CAMK1D: variants seen among roughly 807,000 people sequenced by gnomAD.
CAMK1D encodes calcium/calmodulin dependent protein kinase ID.
A neutral mutation model predicts 47.7 loss-of-function variants in CAMK1D; 9 were observed. That is an observed-to-expected ratio of 0.19 (90% CI 0.11 to 0.33). CAMK1D has a LOEUF of 0.33. Ranked by LOEUF, CAMK1D falls within the 10% of genes least tolerant of loss-of-function variation. CAMK1D has a pLI of 1.00. For missense variants in CAMK1D, 291 were observed against 488.7 expected (o/e 0.60, Z 3.81); for synonymous variants, 184 against 184.9 (o/e 0.99, Z 0.04).
intron 3 of CAMK1D, among the ~76,000 whole-genome samples, chr10:12,721,391 G>T (rs976601497): frequency 2.6e-5 from 4 of 152,228 alleles, no homozygotes; most frequent in African/African-American, 9.6e-5. Flanking sequence ...CACAGGAAAT[G>T]TATCGGCGGG....
At chr10:12,570,680 C>CAAAAA (rs35160242) in intron 2 of CAMK1D, among the ~76,000 whole-genome samples, 1 of 84,572 alleles carries the variant, frequency 1.2e-5, no homozygotes, top group African/African-American at 4.0e-5. Flanking sequence ...AACTCCATCT[C>CAAAAA]AAAAAAAAAA....
At chr10:12,613,270 T>C (rs1361262283) in intron 2 of CAMK1D, among the ~76,000 whole-genome samples, 3 of 152,232 alleles carry the variant, frequency 2.0e-5, no homozygotes, top group Admixed American at 6.5e-5. Context: ...CTAAGCGTGA[T>C]AGATGGCTCC....
chr10:12,551,813 A>T (rs370452905), intron 1 of CAMK1D, among the ~76,000 whole-genome samples: 1 of 152,164 alleles, frequency 6.6e-6, no homozygotes, highest in African/African-American at 2.4e-5. Flanking sequence ...TCCCGGGTCC[A>T]TGGAAAAACT....
intron 3 of CAMK1D, among the ~76,000 whole-genome samples, chr10:12,702,126 C>G (rs973879433): frequency 1.3e-5 from 2 of 152,124 alleles, no homozygotes; most frequent in East Asian, 3.8e-4. Flanking sequence ...GCTGGGAACC[C>G]ACTTTCTAGA....
chr10:12,816,796 C>T (rs1257143953), intron 8 of CAMK1D, among the ~76,000 whole-genome samples: 6 of 145,904 alleles, frequency 4.1e-5, no homozygotes, highest in Non-Finnish European at 6.0e-5. Flanking sequence ...CGCTTGAACT[C>T]GGGAGGCGAA....
intron 1 of CAMK1D, among the ~76,000 whole-genome samples, chr10:12,386,089 A>G (rs1251161915): frequency 6.6e-6 from 1 of 152,184 alleles, no homozygotes. Flanking sequence ...TTGTATCTCA[A>G]TGAAGCTTTT....
chr10:12,555,892 C>G (rs1836745051), intron 2 of CAMK1D, among the ~76,000 whole-genome samples: 1 of 152,154 alleles, frequency 6.6e-6, no homozygotes, highest in Non-Finnish European at 1.5e-5. Flanking sequence ...GCTTTATAAA[C>G]CAGTCCTGTT....
At chr10:12,407,328 G>C (rs1043694763) in intron 1 of CAMK1D, among the ~76,000 whole-genome samples, 1 of 152,248 alleles carries the variant, frequency 6.6e-6, no homozygotes, top group African/African-American at 2.4e-5. Context: ...CCCACTGCCA[G>C]GGGAAGGGAA....
rs924118849 is a variant in CAMK1D at position 12,389,045 on chromosome 10, C to T, written c.92+39135C>T. 5.3e-5 allele frequency among the ~76,000 whole-genome samples: 8 copies of T among 152,280 alleles called. No homozygotes were observed. The East Asian group carries it at 1.3e-3, about 26-fold the overall frequency. On this transcript the variant is annotated intron_variant, in intron 1 of 10. Transcript: ENST00000619168. ...TACTCCATGGAAGGTCCTTCCTGTC[C>T]GATCTGTCCAAGGTCTGGAGGAAGA...
At chr10:12,809,619 G>C (rs2131064732) in intron 6 of CAMK1D, among the ~76,000 whole-genome samples, 1 of 152,338 alleles carries the variant, frequency 6.6e-6, no homozygotes, top group East Asian at 1.9e-4. Context: ...AGTGCTAAGT[G>C]AAACAAGCCA....
chr10:12,473,711 C>A (rs1293066267), intron 1 of CAMK1D, among the ~76,000 whole-genome samples: 1 of 152,194 alleles, frequency 6.6e-6, no homozygotes, highest in Non-Finnish European at 1.5e-5. Context: ...AACCGCCCAG[C>A]TGCTGCTCTC....
At chr10:12,629,980 A>G (rs1164191389) in intron 2 of CAMK1D, among the ~76,000 whole-genome samples, 1 of 152,140 alleles carries the variant, frequency 6.6e-6, no homozygotes. Flanking sequence ...CAGCTCTCTG[A>G]GAGATGGTCT....
At chr10:12,352,586 G>A (rs113258799) in intron 1 of CAMK1D, among the ~76,000 whole-genome samples, 11 of 151,738 alleles carry the variant, frequency 7.2e-5, no homozygotes, top group African/African-American at 2.7e-4. Flanking sequence ...TCCAGCCTGG[G>A]CCACAGAGTG....
intron 3 of CAMK1D, among the ~76,000 whole-genome samples, chr10:12,730,866 C>G (rs75778007): frequency 1.3e-5 from 2 of 152,118 alleles, no homozygotes; most frequent in African/African-American, 4.8e-5. Flanking sequence ...CTGACAAAAA[C>G]GCTGTTTGTG....
intron 1 of CAMK1D, among the ~76,000 whole-genome samples, chr10:12,413,366 C>T (rs944891363): frequency 1.3e-5 from 2 of 152,180 alleles, no homozygotes; most frequent in African/African-American, 2.4e-5. Context: ...CCAGGCCCCA[C>T]CTCCAGCACT....
rs184989622 is a variant in CAMK1D at position 12,513,218 on chromosome 10, G to T, written c.93-40007G>T. ...CCTTCCTGAATGTGCTCCACAAGAT[G>T]TGTCAGGATGGGGAGTGAGGACACA... On this transcript the variant is annotated intron_variant, in intron 1 of 10. Coordinates refer to ENST00000619168, the MANE Select transcript of CAMK1D (RefSeq NM_153498.4). Among the ~76,000 whole-genome samples, 82 of 152,250 alleles carry T rather than the reference G, an allele frequency of 5.4e-4. No individual in the cohort carries two copies. The Middle Eastern group carries it at 0.017, about 32-fold the overall frequency.
intron 4 of CAMK1D, among the ~76,000 whole-genome samples, chr10:12,763,412 C>T (rs1428754471): frequency 1.3e-5 from 2 of 152,136 alleles, no homozygotes; most frequent in South Asian, 2.1e-4. Flanking sequence ...GAAAGCTATG[C>T]GATGTCTTGT....
At chr10:12,714,824 G>A (rs952139476) in intron 3 of CAMK1D, among the ~76,000 whole-genome samples, 4 of 143,498 alleles carry the variant, frequency 2.8e-5, no homozygotes, top group Non-Finnish European at 6.0e-5. Context: ...ATTATCCCTG[G>A]TCTTTTAGTT....
At chr10:12,606,617 G>A (rs1355107455) in intron 2 of CAMK1D, among the ~76,000 whole-genome samples, 10 of 152,120 alleles carry the variant, frequency 6.6e-5, no homozygotes, top group Admixed American at 2.6e-4. Flanking sequence ...GGGGTTGCAC[G>A]TGCTCATTTC....
Sources: allele counts gnomAD v4.1 joint callset (sites outside exome capture counted in the v4.1 genomes callset), GRCh38; gene constraint gnomAD v4.1.1; transcripts MANE v1.5; gene names NCBI Gene and HGNC (gene_info 2026-07-23, HGNC 2026-07-21).